FGGY: variants seen among roughly 807,000 people sequenced by gnomAD.
The protein encoded by FGGY is FGGY carbohydrate kinase domain containing, also known as FGGY carbohydrate kinase domain-containing protein.
A neutral mutation model predicts 71.3 loss-of-function variants in FGGY; 72 were observed. That is an observed-to-expected ratio of 1.01 (90% CI 0.84 to 1.23). FGGY has a LOEUF of 1.23. Ranked by LOEUF, FGGY falls within the 50% of genes most tolerant of loss-of-function variation. FGGY has a pLI of 0.00. For missense variants in FGGY, 668 were observed against 682.3 expected, an observed-to-expected ratio of 0.98 and a Z score of 0.23; for synonymous variants, 251 against 250.3, an observed-to-expected ratio of 1.00 and a Z score of -0.02.
At chr1:59,605,116 A>AATTCATGT (rs2153813974) in intron 8 of FGGY, among the ~76,000 whole-genome samples, 1 of 152,198 alleles carries the variant, frequency 6.6e-6, no homozygotes, top group Admixed American at 6.5e-5. Flanking sequence ...TTTAAATCTT[A>AATTCATGT]ATTCATGTAC....
intron 10 of FGGY, among the ~76,000 whole-genome samples, chr1:59,630,107 A>G (rs2096894903): frequency 1.3e-5 from 2 of 152,172 alleles, no homozygotes; most frequent in Admixed American, 1.3e-4. Flanking sequence ...AGAAGTGCTG[A>G]GCAAAAGGAG....
At chr1:59,650,086 C>T (rs2097141814) in intron 11 of FGGY, among the ~76,000 whole-genome samples, 1 of 148,506 alleles carries the variant, frequency 6.7e-6, no homozygotes, top group Admixed American at 6.6e-5. Context: ...CAGCCTTGAT[C>T]CCAGGGATGA....
intron 10 of FGGY, 62 bp from the exon 11 acceptor site, chr1:59,638,166 A>G (rs2096980737): frequency 2.0e-6 from 3 of 1,524,066 alleles, no homozygotes; most frequent in African/African-American, 1.4e-5. Context: ...GTTTCTTTCT[A>G]TAGAATGATT....
intron 5 of FGGY, among the ~76,000 whole-genome samples, chr1:59,414,998 T>C (rs1399397213): frequency 6.6e-6 from 1 of 152,150 alleles, no homozygotes; most frequent in Non-Finnish European, 1.5e-5. Context: ...GGTTGGTTCT[T>C]GTGGTCAGAT....
chr1:59,567,102 C>T (rs1049718867), intron 8 of FGGY, among the ~76,000 whole-genome samples: 49 of 152,138 alleles, frequency 3.2e-4, no homozygotes, highest in African/African-American at 1.1e-3. Flanking sequence ...GAAATCGTGC[C>T]ATACCTATTT....
At chr1:59,696,104 T>C (rs1334160697) in intron 14 of FGGY, among the ~76,000 whole-genome samples, 1 of 152,214 alleles carries the variant, frequency 6.6e-6, no homozygotes, top group Admixed American at 6.5e-5. Context: ...AGCACATTGC[T>C]GTGAGTTCTG....
chr1:59,678,970 A>T lies in FGGY; in HGVS notation c.1512+4837A>T, dbSNP rs12061494. Among the ~76,000 whole-genome samples the T allele has an allele frequency of 7.8e-3, 1,192 of 152,062 alleles. 17 individuals carry two copies. The highest frequency in any genetic ancestry group is 0.027 in the African/African-American group (1,122 of 41,492). Reference sequence around the variant, plus strand: ...CCCCTGTAAACCACTGACTCCATGCACTCTCACCATCAACTTTCCCTGTCA... The same window carrying T: ...CCCCTGTAAACCACTGACTCCATGCTCTCTCACCATCAACTTTCCCTGTCA... On this transcript the variant is annotated intron_variant, in intron 14 of 15. Coordinates refer to ENST00000303721, the MANE Select transcript of FGGY (RefSeq NM_018291.5).
chr1:59,336,452 A>C (rs2153189921), intron 2 of FGGY, among the ~76,000 whole-genome samples: 1 of 150,176 alleles, frequency 6.7e-6, no homozygotes, highest in Non-Finnish European at 1.5e-5. Flanking sequence ...ACAAATAAGT[A>C]GATAAATAAA....
intron 8 of FGGY, among the ~76,000 whole-genome samples, chr1:59,584,904 G>C (rs1357675948): frequency 1.4e-5 from 2 of 139,498 alleles, no homozygotes; most frequent in East Asian, 4.1e-4. Flanking sequence ...AATCTTGAGT[G>C]AACTCCCATT....
intron 5 of FGGY, among the ~76,000 whole-genome samples, chr1:59,443,607 G>C (rs1300768159): frequency 6.6e-6 from 1 of 152,240 alleles, no homozygotes; most frequent in Non-Finnish European, 1.5e-5. Flanking sequence ...TAAGACTGAA[G>C]AATGTTGGAA....
intron 6 of FGGY, among the ~76,000 whole-genome samples, chr1:59,498,754 G>A (rs77311470): frequency 7.9e-5 from 12 of 152,314 alleles, no homozygotes; most frequent in African/African-American, 2.9e-4. Flanking sequence ...AGAACTTTAA[G>A]TGTCATTAAG....
chr1:59,316,441 C>T (rs537734858), intron 1 of FGGY: 5 of 152,278 alleles, frequency 3.3e-5, no homozygotes, highest in Admixed American at 1.3e-4. Flanking sequence ...CCCACATTAT[C>T]GGTTTTTAGC....
chr1:59,325,024 C>T (rs1410913079), intron 2 of FGGY, among the ~76,000 whole-genome samples: 1 of 152,096 alleles, frequency 6.6e-6, no homozygotes, highest in Non-Finnish European at 1.5e-5. Flanking sequence ...GAATACTCTT[C>T]TCTTAACTTC....
intron 6 of FGGY, among the ~76,000 whole-genome samples, chr1:59,471,014 A>T (rs1304244324): frequency 3.3e-5 from 5 of 152,232 alleles, no homozygotes; most frequent in African/African-American, 9.6e-5. Context: ...TTTCTAGGTT[A>T]AATGGGGCCC....
intron 3 of FGGY, 138 bp downstream of exon 3, chr1:59,340,207 T>A: frequency 1.6e-6 from 1 of 634,322 alleles, no homozygotes; most frequent in East Asian, 2.8e-5. Flanking sequence ...ACACAGATCA[T>A]GTTGCAGAAG....
intron 6 of FGGY, among the ~76,000 whole-genome samples, chr1:59,499,824 A>C (rs2094168925): frequency 6.6e-6 from 1 of 152,206 alleles, no homozygotes; most frequent in Non-Finnish European, 1.5e-5. Flanking sequence ...CATAGCTGCT[A>C]TTAAAGTACA....
intron 13 of FGGY, among the ~76,000 whole-genome samples, chr1:59,668,876 A>G (rs2097349209): frequency 6.6e-6 from 1 of 151,728 alleles, no homozygotes; most frequent in Admixed American, 6.6e-5. Context: ...CTGTAATCCC[A>G]GCTACTGGGG....
At chr1:59,505,392 CT>C (rs1047273021) in intron 6 of FGGY, among the ~76,000 whole-genome samples, 2 of 152,226 alleles carry the variant, frequency 1.3e-5, no homozygotes, top group African/African-American at 4.8e-5. Flanking sequence ...TTCCCCACCC[CT>C]AAACCAGATT....
chr1:59,630,537 C>T (rs2096899179), intron 10 of FGGY, among the ~76,000 whole-genome samples: 1 of 152,180 alleles, frequency 6.6e-6, no homozygotes, highest in Non-Finnish European at 1.5e-5. Flanking sequence ...CTACTTACTT[C>T]ATTTTACAGG....
Sources: allele counts gnomAD v4.1 joint callset (sites outside exome capture counted in the v4.1 genomes callset), GRCh38; gene constraint gnomAD v4.1.1; transcripts MANE v1.5; gene names NCBI Gene and HGNC (gene_info 2026-07-23, HGNC 2026-07-21).